CDKAL1: variants seen among roughly 807,000 people sequenced by gnomAD.
CDKAL1 encodes the protein CDKAL1 threonylcarbamoyladenosine tRNA methylthiotransferase.
Under a neutral mutation model 68.2 loss-of-function variants are expected in CDKAL1, and 32 were observed. That is an observed-to-expected ratio of 0.47 (90% CI 0.35 to 0.63). The LOEUF is 0.63. Among genes scored for constraint, CDKAL1 ranks in the 30% least tolerant of loss-of-function variants. The pLI, the probability that CDKAL1 is intolerant of heterozygous loss-of-function variation, is 0.00. For missense variants in CDKAL1, 606 were observed against 696.7 expected, an observed-to-expected ratio of 0.87 and a Z score of 1.47; for synonymous variants, 234 against 244.3, an observed-to-expected ratio of 0.96 and a Z score of 0.39.
intron 4 of CDKAL1, among the ~76,000 whole-genome samples, chr6:20,563,668 T>C (rs1466569671): frequency 6.8e-6 from 1 of 146,716 alleles, no homozygotes; most frequent in Non-Finnish European, 1.5e-5. Flanking sequence ...TTTTTTTTTC[T>C]CATTAACATA....
chr6:20,568,361 G>C (rs1344713707), intron 4 of CDKAL1, among the ~76,000 whole-genome samples: 1 of 151,798 alleles, frequency 6.6e-6, no homozygotes, highest in Non-Finnish European at 1.5e-5. Flanking sequence ...TAACGCATTT[G>C]ACTGTTCCAA....
intron 5 of CDKAL1, among the ~76,000 whole-genome samples, chr6:20,716,443 T>C (rs961942416): frequency 6.6e-6 from 1 of 152,152 alleles, no homozygotes; most frequent in Non-Finnish European, 1.5e-5. Context: ...CAAGAGATGA[T>C]GTGGCTTGGA....
At chr6:20,609,297 T>TCTCCTTCTTCTCCTTCTCCTC (rs1554162648) in intron 4 of CDKAL1, among the ~76,000 whole-genome samples, 117 of 136,182 alleles carry the variant, frequency 8.6e-4, no homozygotes, top group African/African-American at 3.2e-3. Context: ...TTCTTCTCCT[T>TCTCCTTCTTCTCCTTCTCCTC]CTCCTCCTCC....
At chr6:21,122,155 G>A (rs1028351310) in intron 13 of CDKAL1, among the ~76,000 whole-genome samples, 2 of 152,160 alleles carry the variant, frequency 1.3e-5, no homozygotes, top group South Asian at 2.1e-4. Flanking sequence ...ATGTTTTTAC[G>A]TAATCTGTAC....
In CDKAL1 at chr6:20,824,440, G is replaced by C. The variant is rs1430892632; in HGVS notation, c.639-21635G>C. On this transcript the variant is annotated intron_variant, in intron 8 of 15. Transcript: ENST00000274695. ...TGCAAGAACTAGAGTCTTACCTGAA[G>C]GCTTGACTGGGGAAGGAGATTCTTC... Among the ~76,000 whole-genome samples the C allele has an allele frequency of 4.6e-5, 7 of 152,254 alleles. No individual in the cohort carries two copies. In the South Asian group the frequency reaches 1.4e-3, roughly 32 times the overall value.
intron 9 of CDKAL1, among the ~76,000 whole-genome samples, chr6:20,861,742 G>A (rs1476774210): frequency 6.6e-6 from 1 of 152,170 alleles, no homozygotes; most frequent in Non-Finnish European, 1.5e-5. Flanking sequence ...GTGTGCTGGG[G>A]CTTGTTCTTG....
intron 15 of CDKAL1, among the ~76,000 whole-genome samples, chr6:21,209,547 A>G (rs956722301): frequency 6.6e-5 from 10 of 152,166 alleles, no homozygotes; most frequent in African/African-American, 2.2e-4. Context: ...CTGCTAATCA[A>G]TTGTGACCCT....
At chr6:20,970,449 T>C (rs1765536428) in intron 10 of CDKAL1, among the ~76,000 whole-genome samples, 1 of 152,214 alleles carries the variant, frequency 6.6e-6, no homozygotes, top group South Asian at 2.1e-4. Context: ...ATTGTTTTTA[T>C]GAAGGAGAGG....
At chr6:21,225,272 G>A (rs1158631351) in intron 15 of CDKAL1, among the ~76,000 whole-genome samples, 1 of 152,138 alleles carries the variant, frequency 6.6e-6, no homozygotes, top group Admixed American at 6.5e-5. Flanking sequence ...AGTAGAGGAG[G>A]CAGGGGCGGG....
At chr6:21,012,282 G>C (rs949406463) in intron 11 of CDKAL1, among the ~76,000 whole-genome samples, 3 of 152,190 alleles carry the variant, frequency 2.0e-5, no homozygotes, top group Non-Finnish European at 4.4e-5. Context: ...CCTTTAAAGA[G>C]TCTCTTGGAA....
At position 20,991,655 on chromosome 6, in the gene CDKAL1, G is replaced by A. The variant is rs186409758; in HGVS notation, c.910-8572G>A. Among the ~76,000 whole-genome samples, 9 of 145,948 alleles carry A rather than the reference G, an allele frequency of 6.2e-5. No individual in the cohort carries two copies. In the East Asian group the frequency reaches 1.2e-3, roughly 20 times the overall value. On this transcript the variant is annotated intron_variant, in intron 10 of 15. Transcript: ENST00000274695. ...CCAGGAGGCAGAGGTTGCAGCGAAC[G>A]GAGATTGTGCCACTGCACTCCAGCC...
intron 9 of CDKAL1, among the ~76,000 whole-genome samples, chr6:20,896,029 A>G (rs1418520521): frequency 6.6e-6 from 1 of 151,962 alleles, no homozygotes; most frequent in African/African-American, 2.4e-5. Context: ...GAAAGGGAAC[A>G]CTGACAGATA....
In CDKAL1 at chr6:21,128,585, C is replaced by T. The variant is rs1021818261; in HGVS notation, c.1299+20122C>T. ...TTTCATGTTTTATTTTGGCTGAAGA[C>T]GCCTCAGAATGGCCTATATTAGAAA... On this transcript the variant is annotated intron_variant, in intron 13 of 15. Coordinates refer to ENST00000274695, the MANE Select transcript of CDKAL1 (RefSeq NM_017774.3). 1.6e-4 allele frequency among the ~76,000 whole-genome samples: 25 copies of T among 152,234 alleles called. 1 individual carries two copies. The highest frequency in any genetic ancestry group is 5.1e-4 in the African/African-American group (21 of 41,534).
intron 11 of CDKAL1, among the ~76,000 whole-genome samples, chr6:21,042,632 C>T (rs1270204173): frequency 1.3e-5 from 2 of 152,170 alleles, no homozygotes; most frequent in Non-Finnish European, 2.9e-5. Flanking sequence ...CACTCCTTCC[C>T]CTACCTGCCC....
At position 21,198,074 on chromosome 6, in the gene CDKAL1, T is replaced by C. The variant is rs775911813; in HGVS notation, c.1353T>C (p.Phe451=). ...CAGAAGAATCTTTTGATTCCAAGTT[T>C]TATGTTGCACACAATCAATTCTATG... is the stretch of plus-strand genomic sequence containing the variant. ...LVTEESFDSK[F]YVAHNQFYEQ... The change falls in exon 14 of 16, where the codon TTT becomes TTC. Residue 451 remains phenylalanine (F), a synonymous_variant. Coordinates refer to ENST00000274695, the MANE Select transcript of CDKAL1 (RefSeq NM_017774.3). 6.2e-7 allele frequency: 1 copy of C among 1,605,412 alleles called. No individual in the cohort carries two copies. The highest frequency in any genetic ancestry group is 8.5e-7 in the Non-Finnish European group (1 of 1,175,748).
At chr6:21,133,621 C>T (rs950053924) in intron 13 of CDKAL1, among the ~76,000 whole-genome samples, 3 of 152,210 alleles carry the variant, frequency 2.0e-5, no homozygotes, top group Admixed American at 1.3e-4. Context: ...CTGCATTAAT[C>T]ATATCCTGAA....
chr6:21,230,453 C>T (rs1483416223), intron 15 of CDKAL1, among the ~76,000 whole-genome samples: 1 of 152,264 alleles, frequency 6.6e-6, no homozygotes, highest in Non-Finnish European at 1.5e-5. Flanking sequence ...TGAGCCACCA[C>T]ACCTGGCCCA....
At chr6:20,623,916 T>C (rs1767307039) in intron 4 of CDKAL1, among the ~76,000 whole-genome samples, 1 of 152,090 alleles carries the variant, frequency 6.6e-6, no homozygotes, top group South Asian at 2.1e-4. Context: ...AGAATCCTTA[T>C]AAAGATTGAG....
chr6:20,745,586 C>G (rs1773631081), intron 6 of CDKAL1, among the ~76,000 whole-genome samples: 2 of 151,956 alleles, frequency 1.3e-5, no homozygotes, highest in Non-Finnish European at 1.5e-5. Context: ...CACCTGTATT[C>G]ATATATGTTT....
Sources: gnomAD v4.1 joint callset for allele counts (sites outside exome capture counted in the v4.1 genomes callset) on GRCh38, gnomAD v4.1.1 for gene constraint, MANE v1.5 for transcripts, NCBI Gene and HGNC (gene_info 2026-07-23, HGNC 2026-07-21) for gene names.